The following NELL1 variants were observed in gnomAD, a reference collection of about 807,000 sequenced individuals.
NELL1 encodes protein kinase C-binding protein NELL1.
Under a neutral mutation model 107.4 loss-of-function variants are expected in NELL1, and 76 were observed. The observed-to-expected ratio is 0.71, with a 90% CI of 0.59 to 0.86. The LOEUF (loss-of-function observed/expected upper bound fraction) is 0.86, where lower values mean the gene tolerates loss of function less well. Among genes scored for constraint, NELL1 ranks in the 40% least tolerant of loss-of-function variants. The pLI is 0.00. For synonymous variants in NELL1, 353 were observed against 341.2 expected, an observed-to-expected ratio of 1.03 and a Z score of -0.38; for missense variants, 1,024 against 1,005.5, an observed-to-expected ratio of 1.02 and a Z score of -0.25.
chr11:21,248,349 A>AAAAG, intron 14 of NELL1, among the ~76,000 whole-genome samples: 1 of 151,624 alleles, frequency 6.6e-6, no homozygotes, highest in African/African-American at 2.4e-5. Context: ...GTCAAAAAAA[A>AAAAG]AAAAGAAAAG....
chr11:20,813,466 TGATA>T (rs1207059642), intron 3 of NELL1, among the ~76,000 whole-genome samples: 1 of 8,260 alleles, frequency 1.2e-4, no homozygotes, highest in Non-Finnish European at 1.6e-3. Flanking sequence ...GAAGAGGACG[TGATA>T]AAAAAAAACC....
intron 14 of NELL1, among the ~76,000 whole-genome samples, chr11:21,251,188 C>T (rs1858628632): frequency 6.6e-6 from 1 of 152,200 alleles, no homozygotes; most frequent in South Asian, 2.1e-4. Flanking sequence ...TTAATTACTG[C>T]TAAGGACACT....
chr11:20,967,490 T>C (rs2134224368), intron 12 of NELL1, among the ~76,000 whole-genome samples: 1 of 152,268 alleles, frequency 6.6e-6, no homozygotes, highest in Non-Finnish European at 1.5e-5. Flanking sequence ...AATCAGGTAC[T>C]TTTCTCCCAA....
chr11:21,566,922 G>A (rs901356788), intron 17 of NELL1, among the ~76,000 whole-genome samples: 1 of 151,742 alleles, frequency 6.6e-6, no homozygotes, highest in Non-Finnish European at 1.5e-5. Flanking sequence ...GGGCCTATTT[G>A]GCATTTTCAC....
chr11:20,925,874 G>C (rs866092080), intron 7 of NELL1, among the ~76,000 whole-genome samples: 4 of 152,190 alleles, frequency 2.6e-5, no homozygotes, highest in Non-Finnish European at 4.4e-5. Flanking sequence ...TCCATTTCCA[G>C]AGAGTAGTTC....
intron 15 of NELL1, among the ~76,000 whole-genome samples, chr11:21,459,515 G>C (rs1391588413): frequency 6.6e-6 from 1 of 151,974 alleles, no homozygotes; most frequent in African/African-American, 2.4e-5. Flanking sequence ...AGTACTTGCT[G>C]GGTCAGGGGC....
At chr11:20,894,589 A>T (rs1849685565) in intron 5 of NELL1, among the ~76,000 whole-genome samples, 1 of 152,246 alleles carries the variant, frequency 6.6e-6, no homozygotes, top group African/African-American at 2.4e-5. Context: ...TATCCATCAG[A>T]ATGGGTCAAA....
At chr11:21,116,678 A>G (rs1232211117) in intron 13 of NELL1, among the ~76,000 whole-genome samples, 2 of 151,896 alleles carry the variant, frequency 1.3e-5, no homozygotes, top group African/African-American at 2.4e-5. Flanking sequence ...GTTACACTTG[A>G]TCACCCCTCC....
chr11:21,324,020 G>A (rs1239785299), intron 14 of NELL1, among the ~76,000 whole-genome samples: 1 of 152,088 alleles, frequency 6.6e-6, no homozygotes, highest in Non-Finnish European at 1.5e-5. Context: ...TTATGTAAAT[G>A]TTGACATCTT....
At chr11:21,277,877 C>T (rs1193580039) in intron 14 of NELL1, among the ~76,000 whole-genome samples, 1 of 152,076 alleles carries the variant, frequency 6.6e-6, no homozygotes, top group Non-Finnish European at 1.5e-5. Flanking sequence ...GGAATAGGAA[C>T]ATCACACACC....
chr11:21,192,224 A>G (rs1014977948), intron 13 of NELL1, among the ~76,000 whole-genome samples: 7 of 151,958 alleles, frequency 4.6e-5, no homozygotes, highest in Non-Finnish European at 8.8e-5. Context: ...TGAACTAAAG[A>G]TAAAGTGGAA....
intron 11 of NELL1, among the ~76,000 whole-genome samples, chr11:20,950,950 C>A (rs188339263): frequency 6.6e-6 from 1 of 152,190 alleles, no homozygotes; most frequent in South Asian, 2.1e-4. Flanking sequence ...TTACTGTGAC[C>A]ATCCGGTCAT....
At chr11:21,133,335 A>T (rs1327606086) in intron 13 of NELL1, among the ~76,000 whole-genome samples, 1 of 152,146 alleles carries the variant, frequency 6.6e-6, no homozygotes, top group Non-Finnish European at 1.5e-5. Flanking sequence ...TTTTCATTCC[A>T]GTTGGCAGAA....
chr11:21,554,962 A>G (rs189835460), intron 16 of NELL1, among the ~76,000 whole-genome samples: 2 of 152,076 alleles, frequency 1.3e-5, no homozygotes, highest in Admixed American at 6.6e-5. Flanking sequence ...TTGGTATGCT[A>G]TACTTCTTCC....
intron 4 of NELL1, among the ~76,000 whole-genome samples, chr11:20,854,568 C>T (rs1395061102): frequency 6.6e-6 from 1 of 152,218 alleles, no homozygotes; most frequent in Non-Finnish European, 1.5e-5. Context: ...TGGATGCTCA[C>T]TCTCTCTTTT....
At chr11:21,538,300 G>A (rs1466226545) in intron 16 of NELL1, among the ~76,000 whole-genome samples, 1 of 152,052 alleles carries the variant, frequency 6.6e-6, no homozygotes, top group East Asian at 1.9e-4. Context: ...ATCCATTATT[G>A]TAAGCTTGAA....
chr11:20,751,260 A>G (rs905332590), intron 2 of NELL1, among the ~76,000 whole-genome samples: 3 of 152,082 alleles, frequency 2.0e-5, no homozygotes, highest in Admixed American at 6.6e-5. Flanking sequence ...TTCTTTAAAA[A>G]ATTTTGCTGG....
chr11:20,768,029 G>A (rs1159528619), intron 2 of NELL1, among the ~76,000 whole-genome samples: 1 of 152,146 alleles, frequency 6.6e-6, no homozygotes, highest in Non-Finnish European at 1.5e-5. Flanking sequence ...CCGCAGAGGT[G>A]ACGTTTGAGC....
chr11:21,445,272 G>T lies in NELL1; in HGVS notation c.1645+74324G>T, dbSNP rs149253310. Among the ~76,000 whole-genome samples, 13 of 151,542 alleles carry T rather than the reference G, an allele frequency of 8.6e-5. No homozygotes were observed. The East Asian group carries it at 1.7e-3, about 20-fold the overall frequency. ...TACTTACTGCTATACCAGTGAGTTGGTTTTTTTTGTTTGTTTTGTTTTGTT... is the reference window on the plus strand; with the variant it reads ...TACTTACTGCTATACCAGTGAGTTGTTTTTTTTTGTTTGTTTTGTTTTGTT... On this transcript the variant is annotated intron_variant, in intron 15 of 19. Transcript: ENST00000357134.
Sources: allele counts gnomAD v4.1 joint callset (sites outside exome capture counted in the v4.1 genomes callset), GRCh38; gene constraint gnomAD v4.1.1; transcripts MANE v1.5; gene names NCBI Gene and HGNC (gene_info 2026-07-23, HGNC 2026-07-21).